Variants in CSMD1 observed in about 807,000 individuals in gnomAD.
CSMD1 encodes CUB and sushi domain-containing protein 1.
A neutral mutation model predicts 417.5 loss-of-function variants in CSMD1; 213 were observed. The ratio of observed to expected loss-of-function variants is 0.51; its 90% CI spans 0.46 to 0.57. CSMD1 has a LOEUF of 0.57. Among genes scored for constraint, CSMD1 ranks in the 20% least tolerant of loss-of-function variants. CSMD1 has a pLI of 0.00. For missense variants in CSMD1, 6,923 were observed against 4,529.7 expected, an observed-to-expected ratio of 1.53 and a Z score of -15.17; for synonymous variants, 2,862 against 1,736.8, an observed-to-expected ratio of 1.65 and a Z score of -16.11.
chr8:3,964,291 G>T (rs1812526037), intron 5 of CSMD1, among the ~76,000 whole-genome samples: 1 of 152,004 alleles, frequency 6.6e-6, no homozygotes, highest in Non-Finnish European at 1.5e-5. Context: ...CTGCTTTAGG[G>T]AGCGTTCCAC....
chr8:3,336,288 C>G (rs1266112050), intron 23 of CSMD1, among the ~76,000 whole-genome samples: 1 of 152,104 alleles, frequency 6.6e-6, no homozygotes, highest in East Asian at 1.9e-4. Context: ...TTCCAAGGCC[C>G]CTGAACCCTG....
intron 2 of CSMD1, among the ~76,000 whole-genome samples, chr8:4,456,121 A>G (rs1424287487): frequency 6.7e-6 from 1 of 150,324 alleles, no homozygotes; most frequent in Admixed American, 6.6e-5. Context: ...TAAGAAGGAC[A>G]TTATGCCAAA....
chr8:4,834,956 C>CAA lies in CSMD1; in HGVS notation c.85+159374_85+159375dup, dbSNP rs1194297821. Among the ~76,000 whole-genome samples the CAA allele has an allele frequency of 4.7e-3, 93 of 19,820 alleles. 4 individuals are homozygous for CAA. The highest frequency in any genetic ancestry group is 6.8e-3 in the African/African-American group (37 of 5,428). 13.0% of individuals were successfully genotyped at this position (19,820 alleles called of 152,430 possible). ...TGGGCGACAGGGCCAGACTCCATCTCAAAAAAAAAAAAAAAAAAAAAAAAG... is the reference window on the plus strand; with the variant it reads ...TGGGCGACAGGGCCAGACTCCATCTCAAAAAAAAAAAAAAAAAAAAAAAAAAG... On this transcript the variant is annotated intron_variant, in intron 1 of 69. Coordinates refer to ENST00000635120, the MANE Select transcript of CSMD1 (RefSeq NM_033225.6).
chr8:4,944,608 C>A (rs1034990494), intron 1 of CSMD1, among the ~76,000 whole-genome samples: 3 of 152,010 alleles, frequency 2.0e-5, no homozygotes, highest in African/African-American at 7.2e-5. Flanking sequence ...AACATTAATT[C>A]AAAAATGTAT....
intron 2 of CSMD1, among the ~76,000 whole-genome samples, chr8:4,549,338 A>G (rs1053649470): frequency 6.6e-6 from 1 of 152,220 alleles, no homozygotes; most frequent in Admixed American, 6.5e-5. Flanking sequence ...TATTCCAGAA[A>G]CAAGAAAAAT....
chr8:4,742,756 T>C (rs1019545512), intron 1 of CSMD1, among the ~76,000 whole-genome samples: 1 of 152,174 alleles, frequency 6.6e-6, no homozygotes, highest in Non-Finnish European at 1.5e-5. Flanking sequence ...AAATGTATGG[T>C]CTATTAAATG....
At chr8:3,906,433 T>C (rs1212771336) in intron 5 of CSMD1, among the ~76,000 whole-genome samples, 1 of 152,162 alleles carries the variant, frequency 6.6e-6, no homozygotes, top group Non-Finnish European at 1.5e-5. Context: ...TAGTAATGTT[T>C]AATGCCTTAG....
intron 2 of CSMD1, among the ~76,000 whole-genome samples, chr8:4,586,663 T>G (rs1249591991): frequency 6.6e-6 from 1 of 152,170 alleles, no homozygotes; most frequent in African/African-American, 2.4e-5. Flanking sequence ...TAAAATCCCT[T>G]TTTGTTTTAT....
In CSMD1 at chr8:4,766,299, A is replaced by G. The variant is rs115222835; in HGVS notation, c.86-128741T>C. ...ATCTTACCTGCTAGTTACCTTTTTC[A>G]TTCGGTGAGCCAACTATGTATGCAT... On this transcript the variant is annotated intron_variant, in intron 1 of 69. Coordinates refer to ENST00000635120, the MANE Select transcript of CSMD1 (RefSeq NM_033225.6). Among the ~76,000 whole-genome samples, 448 of 152,250 alleles carry G rather than the reference A, an allele frequency of 2.9e-3. 4 individuals carry two copies. The highest frequency in any genetic ancestry group is 0.01 in the African/African-American group (435 of 41,536).
intron 21 of CSMD1, among the ~76,000 whole-genome samples, chr8:3,349,884 T>A (rs796461788): frequency 8.0e-6 from 1 of 125,538 alleles, no homozygotes; most frequent in Non-Finnish European, 1.7e-5. Flanking sequence ...TATATCTATA[T>A]ATATATTTAT....
intron 40 of CSMD1, among the ~76,000 whole-genome samples, chr8:3,144,725 T>A (rs1307155099): frequency 6.6e-6 from 1 of 150,680 alleles, no homozygotes; most frequent in Admixed American, 6.7e-5. Flanking sequence ...TTCCAGAAAA[T>A]ATTTTTGTTT....
chr8:3,548,888 C>G (rs1473801711), intron 10 of CSMD1, among the ~76,000 whole-genome samples: 1 of 152,096 alleles, frequency 6.6e-6, no homozygotes, highest in Non-Finnish European at 1.5e-5. Context: ...ACCCCGAGTC[C>G]ACATCCTCCC....
chr8:4,911,314 G>C (rs1411326562), intron 1 of CSMD1, among the ~76,000 whole-genome samples: 1 of 152,170 alleles, frequency 6.6e-6, no homozygotes, highest in Non-Finnish European at 1.5e-5. Flanking sequence ...GGTGCTGAGA[G>C]AATAACTTAA....
chr8:3,494,473 A>G (rs1428292947), intron 10 of CSMD1, among the ~76,000 whole-genome samples: 1 of 152,200 alleles, frequency 6.6e-6, no homozygotes, highest in African/African-American at 2.4e-5. Flanking sequence ...GAAGATAAAT[A>G]CATGATGATA....
chr8:4,774,394 C>G (rs890840344), intron 1 of CSMD1, among the ~76,000 whole-genome samples: 13 of 152,038 alleles, frequency 8.6e-5, no homozygotes, highest in African/African-American at 3.1e-4. Context: ...AATCCCACCT[C>G]CAGTTGGAAA....
At chr8:4,489,164 G>A (rs879114695) in intron 2 of CSMD1, among the ~76,000 whole-genome samples, 7 of 152,118 alleles carry the variant, frequency 4.6e-5, no homozygotes, top group East Asian at 1.9e-4. Flanking sequence ...TACCTGCCTC[G>A]GCCTCCCAAA....
At chr8:4,779,154 G>C (rs956998114) in intron 1 of CSMD1, among the ~76,000 whole-genome samples, 4 of 152,162 alleles carry the variant, frequency 2.6e-5, no homozygotes, top group African/African-American at 4.8e-5. Context: ...ATTAACTGAA[G>C]TCTTCGGTTT....
chr8:3,103,598 G>A (rs1037707666), intron 46 of CSMD1, among the ~76,000 whole-genome samples: 23 of 150,590 alleles, frequency 1.5e-4, no homozygotes, highest in African/African-American at 5.4e-4. Flanking sequence ...TAATCTTACA[G>A]GACCACATTT....
intron 3 of CSMD1, among the ~76,000 whole-genome samples, chr8:4,404,927 C>G (rs543602758): frequency 2.9e-4 from 44 of 152,286 alleles, no homozygotes; most frequent in African/African-American, 1.0e-3. Context: ...TGATGTCAGT[C>G]ATCCGATATG....
Sources: gnomAD v4.1 joint callset for allele counts (sites outside exome capture counted in the v4.1 genomes callset) on GRCh38, gnomAD v4.1.1 for gene constraint, MANE v1.5 for transcripts, NCBI Gene and HGNC (gene_info 2026-07-23, HGNC 2026-07-21) for gene names.